KALRN: variants seen among roughly 807,000 people sequenced by gnomAD.
The protein encoded by KALRN is kalirin.
KALRN carries 70 observed loss-of-function variants against 353.7 expected under a neutral mutation model. The observed-to-expected ratio is 0.20, with a 90% confidence interval of 0.16 to 0.24. The LOEUF (loss-of-function observed/expected upper bound fraction) is 0.24. Among genes scored for constraint, KALRN ranks in the 10% least tolerant of loss-of-function variants. The probability of loss-of-function intolerance (pLI) is 1.00; values close to 1 mark genes in which losing one functional copy is unlikely to be tolerated. For missense variants in KALRN, 2,791 were observed against 3,756.7 expected (o/e 0.74, Z 6.72); for synonymous variants, 1,391 against 1,434.8 (o/e 0.97, Z 0.69).
At chr3:124,662,041 C>T in intron 45 of KALRN, 113 bp downstream of exon 45, 2 of 826,474 alleles carry the variant, frequency 2.4e-6, no homozygotes, top group Non-Finnish European at 4.2e-6. Flanking sequence ...CCTTCACTCA[C>T]CACTATGCCT....
At chr3:124,240,884 C>G (rs1454430859) in intron 3 of KALRN, among the ~76,000 whole-genome samples, 1 of 152,154 alleles carries the variant, frequency 6.6e-6, no homozygotes, top group Non-Finnish European at 1.5e-5. Flanking sequence ...AGCAGGCTCT[C>G]TCTAGCACCC....
rs1053989895 is a variant in KALRN, at chr3:124,572,058, C to T, written c.5182+8969C>T. Among the ~76,000 whole-genome samples, 3 of 151,744 alleles carry T rather than the reference C, an allele frequency of 2.0e-5. No homozygotes were observed. The East Asian group carries it at 5.8e-4, about 29-fold the overall frequency. ...ATGGTTGAGACTGGGTGCAGTGGCT[C>T]ACATCTTTAACCCCAGCACTTTGGG... On this transcript the variant is annotated intron_variant, in intron 34 of 59. Transcript: ENST00000682506.
intron 6 of KALRN, among the ~76,000 whole-genome samples, chr3:124,317,755 G>A (rs1210173367): frequency 6.7e-6 from 1 of 149,326 alleles, no homozygotes; most frequent in South Asian, 2.1e-4. Flanking sequence ...GGCTGGGGGG[G>A]CAGTTGGGGA....
In KALRN at chr3:124,671,569, G is replaced by T; in HGVS notation, c.6704-91G>T. ...TAGTGTTTTTCTCACTTATCCACAC[G>T]ATGCCTAACACAAAGCCTTGGACCT... On this transcript the variant is annotated intron_variant, in intron 47 of 59. Coordinates refer to ENST00000682506, the MANE Select transcript of KALRN (RefSeq NM_001388419.1). 5 of 812,314 alleles carry T rather than the reference G, an allele frequency of 6.2e-6. No homozygotes were observed. The South Asian group carries it at 7.9e-5, about 13-fold the overall frequency. 50.3% of individuals were successfully genotyped at this position (812,314 alleles called of 1,614,324 possible). A position where few individuals can be genotyped will look rare whatever the true frequency, so the allele number is the denominator to read the frequency against.
At chr3:124,498,680 C>A (rs1479006268) in intron 33 of KALRN, among the ~76,000 whole-genome samples, 4 of 152,106 alleles carry the variant, frequency 2.6e-5, no homozygotes, top group African/African-American at 9.7e-5. Context: ...CTAGAAAATT[C>A]CTTAGACATA....
At chr3:124,661,797 C>A (rs2084908575) in intron 44 of KALRN, 54 bp from the exon 45 acceptor site, 6 of 1,395,158 alleles carry the variant, frequency 4.3e-6, no homozygotes, top group Non-Finnish European at 5.1e-6. Flanking sequence ...TTACCAAGAG[C>A]TTCCTGCCTG....
chr3:124,582,614 T>TA (rs2074737275), intron 34 of KALRN, among the ~76,000 whole-genome samples: 1 of 152,208 alleles, frequency 6.6e-6, no homozygotes, highest in African/African-American at 2.4e-5. Flanking sequence ...AAGGTTTTTT[T>TA]ATGAGGATAA....
intron 9 of KALRN, among the ~76,000 whole-genome samples, chr3:124,338,141 T>C (rs1236179477): frequency 8.5e-5 from 13 of 152,166 alleles, no homozygotes; most frequent in Admixed American, 8.5e-4. Flanking sequence ...CCCCTTCAGT[T>C]CTTCTCTGAT....
chr3:124,130,130 A>T (rs1426284966), intron 1 of KALRN, among the ~76,000 whole-genome samples: 2 of 152,192 alleles, frequency 1.3e-5, no homozygotes, highest in East Asian at 3.9e-4. Flanking sequence ...ACCAGAACTT[A>T]TTGACCTATG....
chr3:124,686,366 A>T (rs1339690993), intron 51 of KALRN, among the ~76,000 whole-genome samples: 2 of 152,214 alleles, frequency 1.3e-5, no homozygotes, highest in Non-Finnish European at 2.9e-5. Context: ...ACTGGAGCAC[A>T]GTGAGGTTAA....
chr3:124,144,285 A>G (rs2149813618), intron 1 of KALRN, among the ~76,000 whole-genome samples: 1 of 152,218 alleles, frequency 6.6e-6, no homozygotes, highest in African/African-American at 2.4e-5. Flanking sequence ...GCAGCCAGAG[A>G]TCAGAACCTG....
intron 1 of KALRN, among the ~76,000 whole-genome samples, chr3:124,036,541 G>T (rs185351823): frequency 2.2e-4 from 34 of 151,868 alleles, no homozygotes; most frequent in African/African-American, 8.0e-4. Context: ...ATATGCGTTG[G>T]TGGAGATTCT....
chr3:124,092,118 G>T (rs143247017), intron 1 of KALRN, among the ~76,000 whole-genome samples: 28 of 152,348 alleles, frequency 1.8e-4, no homozygotes, highest in Admixed American at 2.6e-4. Context: ...AGGTCTGTTT[G>T]CGGGGGAAGT....
chr3:124,588,520 G>A (rs551928690), intron 34 of KALRN, among the ~76,000 whole-genome samples: 17 of 152,288 alleles, frequency 1.1e-4, no homozygotes, highest in Middle Eastern at 3.4e-3. Context: ...TGCCTCCCAG[G>A]TTCAAGCAAT....
chr3:124,134,712 T>A (rs1253376558), intron 1 of KALRN, among the ~76,000 whole-genome samples: 1 of 151,948 alleles, frequency 6.6e-6, no homozygotes, highest in Non-Finnish European at 1.5e-5. Flanking sequence ...AAAAGTGGGT[T>A]AAGGACATGA....
intron 13 of KALRN, among the ~76,000 whole-genome samples, chr3:124,402,881 A>G (rs577776951): frequency 7.4e-4 from 113 of 152,290 alleles, no homozygotes; most frequent in African/African-American, 2.7e-3. Context: ...GCCTTACCCC[A>G]TAATGTGGCT....
intron 13 of KALRN, among the ~76,000 whole-genome samples, chr3:124,402,343 A>G (rs1386503468): frequency 6.6e-6 from 1 of 152,058 alleles, no homozygotes; most frequent in Non-Finnish European, 1.5e-5. Context: ...ACCTTCTTGG[A>G]CTCCATGGAG....
chr3:124,659,224 A>G, intron 42 of KALRN, 141 bp from the exon 43 acceptor site: 1 of 683,402 alleles, frequency 1.5e-6, no homozygotes, highest in Non-Finnish European at 2.7e-6. Flanking sequence ...CCTCTAGGCA[A>G]TTTTACCTCT....
intron 6 of KALRN, among the ~76,000 whole-genome samples, chr3:124,312,030 T>C (rs2078319085): frequency 6.6e-6 from 1 of 152,236 alleles, no homozygotes. Flanking sequence ...ATCTAATAGG[T>C]ACAGAGTTTC....
Sources: gnomAD v4.1 joint callset for allele counts (sites outside exome capture counted in the v4.1 genomes callset) on GRCh38, gnomAD v4.1.1 for gene constraint, MANE v1.5 for transcripts, NCBI Gene and HGNC (gene_info 2026-07-23, HGNC 2026-07-21) for gene names.